FAM220A: variants seen among roughly 807,000 people sequenced by gnomAD.
FAM220A encodes family with sequence similarity 220 member A, also known as protein FAM220A.
For missense variants in FAM220A, 392 were observed against 321.6 expected, an observed-to-expected ratio of 1.22 and a Z score of -1.68; for synonymous variants, 141 against 130.7, an observed-to-expected ratio of 1.08 and a Z score of -0.54.
intron 1 of FAM220A, among the ~76,000 whole-genome samples, chr7:6,344,335 G>A (rs1305541459): frequency 6.6e-6 from 1 of 151,996 alleles, no homozygotes; most frequent in Non-Finnish European, 1.5e-5. Flanking sequence ...AAATATCAAG[G>A]CCAAGAAGAC....
At chr7:6,343,293 C>T (rs565534031) in intron 1 of FAM220A, among the ~76,000 whole-genome samples, 8 of 150,784 alleles carry the variant, frequency 5.3e-5, no homozygotes, top group African/African-American at 1.2e-4. Context: ...AGGAGAATCG[C>T]TTGAACCTGG....
chr7:6,341,718 C>G (rs1481745862), intron 1 of FAM220A, among the ~76,000 whole-genome samples: 1 of 151,492 alleles, frequency 6.6e-6, no homozygotes, highest in Admixed American at 6.6e-5. Context: ...TGAGTGCGCG[C>G]CAGGTGCAGT....
At position 6,338,084 on chromosome 7, in the gene FAM220A, G is replaced by A. The variant is rs149255381; in HGVS notation, c.-81-6849C>T. Among the ~76,000 whole-genome samples, 289 of 152,248 alleles carry A rather than the reference G, an allele frequency of 1.9e-3. 2 individuals are homozygous for A. Among genetic ancestry groups the A allele is most frequent in the African/African-American group, 6.7e-3 (280 of 41,570 alleles). On this transcript the variant is annotated intron_variant, in intron 1 of 1. Transcript: ENST00000313324. Reference sequence around the variant, plus strand: ...CTCCCAAAGCACTGCGATTACAGGCGTGAGCCACTATGCCCAGCCACAAAA... The same window carrying A: ...CTCCCAAAGCACTGCGATTACAGGCATGAGCCACTATGCCCAGCCACAAAA...
At position 6,348,710 on chromosome 7, in the gene FAM220A, C is replaced by A. The variant is rs1782002492; in HGVS notation, c.-219G>T. On this transcript the variant is annotated 5_prime_UTR_variant, in exon 1 of 2. Coordinates refer to ENST00000313324, the MANE Select transcript of FAM220A (RefSeq NM_001037163.2). The stretch of plus-strand genomic sequence containing the variant: ...CAGAAGACCCCATAGGAGCGGGCGG[C>A]GGCCGAGCGCGAGAGCCGGACAGCC... 1 of 422,664 alleles carries A rather than the reference C, an allele frequency of 2.4e-6. No individual in the cohort carries two copies. The highest frequency in any genetic ancestry group is 4.2e-6 in the Non-Finnish European group (1 of 238,628). The allele number at this position is 422,664 out of a possible 1,614,324, so 26.2% of individuals were successfully genotyped here.
At position 6,330,981 on chromosome 7, in the gene FAM220A, A is replaced by G; in HGVS notation, c.174T>C (p.Ser58=). The part of the protein sequence containing the change: ...NKPVVDGNSQ[S]EALSLEMRKD... ...TTCTCATTTCCAGTGATAATGCCTC[A>G]CTTTGTGAATTTCCATCAACCACAG... The change falls in exon 2 of 2, where the codon AGT becomes AGC. Residue 58 remains serine, a synonymous_variant. Transcript: ENST00000313324. The G allele has an allele frequency of 6.2e-7, 1 of 1,614,220 alleles. No individual in the cohort carries two copies. Among genetic ancestry groups the G allele is most frequent in the African/African-American group, 1.3e-5 (1 of 75,056 alleles).
At chr7:6,336,088 G>A (rs1360362792) in intron 1 of FAM220A, among the ~76,000 whole-genome samples, 1 of 150,586 alleles carries the variant, frequency 6.6e-6, no homozygotes, top group Non-Finnish European at 1.5e-5. Flanking sequence ...CAGGACAATC[G>A]TTTGAACCTG....
chr7:6,347,817 G>T (rs1162300799), intron 1 of FAM220A, among the ~76,000 whole-genome samples: 1 of 151,300 alleles, frequency 6.6e-6, no homozygotes, highest in Non-Finnish European at 1.5e-5. Context: ...GCACTGGGAG[G>T]CCAAGATGGG....
intron 1 of FAM220A, among the ~76,000 whole-genome samples, chr7:6,340,954 C>A (rs1349179425): frequency 8.3e-6 from 1 of 120,838 alleles, no homozygotes; most frequent in African/African-American, 3.6e-5. Context: ...ATGGTGAAAC[C>A]CTGTCTCTAC....
chr7:6,345,317 GT>G (rs1781933403), intron 1 of FAM220A, among the ~76,000 whole-genome samples: 2 of 151,760 alleles, frequency 1.3e-5, no homozygotes, highest in Non-Finnish European at 2.9e-5. Context: ...GTCTTGCTGT[GT>G]TGCCCAGGCT....
In FAM220A at chr7:6,333,120, G is replaced by A. The variant is rs137901442; in HGVS notation, c.-81-1885C>T. ...TGCAGTGAGCCGAGATCCCACCACT[G>A]CACTCCAGCCTGGCGACAGAGCAAG... On this transcript the variant is annotated intron_variant, in intron 1 of 1. Coordinates refer to ENST00000313324, the MANE Select transcript of FAM220A (RefSeq NM_001037163.2). Among the ~76,000 whole-genome samples the A allele has an allele frequency of 6.9e-3, 1,044 of 150,260 alleles. 12 individuals carry two copies. The highest frequency in any genetic ancestry group is 0.024 in the African/African-American group (997 of 40,844).
chr7:6,330,078 G>A lies in FAM220A; in HGVS notation c.*297C>T. The stretch of plus-strand genomic sequence containing the variant: ...CCCTTTAGAATGGATGTTGAAGACA[G>A]AACTTCATGGTAAATCCGTATGTTC... On this transcript the variant is annotated 3_prime_UTR_variant, in exon 2 of 2. Transcript: ENST00000313324. The A allele has an allele frequency of 2.8e-6, 1 of 353,772 alleles. No individual in the cohort carries two copies. The allele number at this position is 353,772 out of a possible 1,614,324, so 21.9% of individuals were successfully genotyped here. A position where few individuals can be genotyped will look rare whatever the true frequency, so the allele number is the denominator to read the frequency against.
At position 6,336,397 on chromosome 7, in the gene FAM220A, C is replaced by T. The variant is rs536030652; in HGVS notation, c.-81-5162G>A. On this transcript the variant is annotated intron_variant, in intron 1 of 1. Coordinates refer to ENST00000313324, the MANE Select transcript of FAM220A (RefSeq NM_001037163.2). ...TATATATGAACCACATAAAAGAATACAGGCCAGGCACGGTGGCTCATGCCT... is the reference window on the plus strand; with the variant it reads ...TATATATGAACCACATAAAAGAATATAGGCCAGGCACGGTGGCTCATGCCT... 2.6e-5 allele frequency among the ~76,000 whole-genome samples: 4 copies of T among 151,928 alleles called. No individual in the cohort carries two copies. The East Asian group carries it at 5.8e-4, about 22-fold the overall frequency.
In FAM220A at chr7:6,330,949, G is replaced by A. The variant is rs750185672; in HGVS notation, c.206C>T (p.Pro69Leu). 4.0e-5 allele frequency: 64 copies of A among 1,614,084 alleles called. No individual in the cohort carries two copies. The highest frequency in any genetic ancestry group is 5.5e-5 in the South Asian group (5 of 91,088). Residue 69 changes from proline to leucine, a missense_variant, in exon 2 of 2, where the codon CCG becomes CTG. Coordinates refer to ENST00000313324, the MANE Select transcript of FAM220A (RefSeq NM_001037163.2). ...EALSLEMRKDPSGAGLWLHSG... is the reference protein window; with the variant it reads ...EALSLEMRKDLSGAGLWLHSG... ...GTGAAGCCAGAGGCCAGCCCCGCTC[G>A]GATCCTTTCTCATTTCCAGTGATAA... is the stretch of plus-strand genomic sequence containing the variant.
chr7:6,345,714 T>A (rs1781939453), intron 1 of FAM220A, among the ~76,000 whole-genome samples: 1 of 152,070 alleles, frequency 6.6e-6, no homozygotes, highest in African/African-American at 2.4e-5. Context: ...CTGTAGACAC[T>A]TTTTGTTTTG....
intron 1 of FAM220A, among the ~76,000 whole-genome samples, chr7:6,339,702 A>T (rs564951281): frequency 1.3e-4 from 19 of 151,880 alleles, no homozygotes; most frequent in South Asian, 1.0e-3. Flanking sequence ...CGATCTCCTG[A>T]CCTCATGATC....
In FAM220A at chr7:6,330,353, T is replaced by C. The variant is rs572118536; in HGVS notation, c.*22A>G. On this transcript the variant is annotated 3_prime_UTR_variant, in exon 2 of 2. Transcript: ENST00000313324. ...TAAGACAACTCTTAAAATTAATCTA[T>C]TGGTATTGTTCTGCTTGTACCTTAA... is the stretch of plus-strand genomic sequence containing the variant. 4 of 1,580,614 alleles carry C rather than the reference T, an allele frequency of 2.5e-6. No homozygotes were observed. Among genetic ancestry groups the C allele is most frequent in the Middle Eastern group, 1.7e-4 (1 of 5,866 alleles).
intron 1 of FAM220A, among the ~76,000 whole-genome samples, chr7:6,341,395 TC>T (rs1486355272): frequency 1.9e-4 from 28 of 149,902 alleles, no homozygotes; most frequent in African/African-American, 6.7e-4. Flanking sequence ...TGAGCGGAGA[TC>T]GCGCCACTGT....
At chr7:6,347,403 C>G (rs1269562594) in intron 1 of FAM220A, among the ~76,000 whole-genome samples, 1 of 151,970 alleles carries the variant, frequency 6.6e-6, no homozygotes, top group Non-Finnish European at 1.5e-5. Flanking sequence ...GTAGTCCCAG[C>G]TACTCAGGAG....
At chr7:6,346,511 T>C (rs1781953153) in intron 1 of FAM220A, among the ~76,000 whole-genome samples, 1 of 152,004 alleles carries the variant, frequency 6.6e-6, no homozygotes, top group African/African-American at 2.4e-5. Context: ...GGACTACAGG[T>C]GCACGCCACC....
Sources: allele counts gnomAD v4.1 joint callset (sites outside exome capture counted in the v4.1 genomes callset), GRCh38; gene constraint gnomAD v4.1.1; transcripts MANE v1.5; gene names NCBI Gene and HGNC (gene_info 2026-07-23, HGNC 2026-07-21).